The following CORO7 variants were observed in gnomAD, a reference collection of about 807,000 sequenced individuals.
The protein encoded by CORO7 is coronin-7.
A neutral mutation model predicts 126.6 loss-of-function variants in CORO7; 107 were observed. The observed-to-expected ratio is 0.85, with a 90% confidence interval of 0.72 to 0.99. The LOEUF (loss-of-function observed/expected upper bound fraction) is 0.99, where lower values mean the gene tolerates loss of function less well. CORO7 is among the 50% of genes least tolerant of loss of function. The pLI is 0.00. For missense variants in CORO7, 1,314 were observed against 1,255.8 expected (o/e 1.05, Z -0.70); for synonymous variants, 603 against 536.8 (o/e 1.12, Z -1.70).
chr16:4,415,955 C>A, intron 1 of CORO7: 2 of 915,960 alleles, frequency 2.2e-6, no homozygotes, highest in South Asian at 1.0e-4. Context: ...GAGGGAGGGG[C>A]GCGTGCGGCC....
rs756187808 is a variant in CORO7, at chr16:4,381,385, C to T, written c.785+6601G>A. The T allele has an allele frequency of 2.0e-5, 32 of 1,589,544 alleles. No homozygotes were observed. In the East Asian group the frequency reaches 4.6e-4, roughly 23 times the overall value. ...GGCACTGCCCCCGCTGCGCCTGCCCCGCCTGCTGCTGCTGGACCTCAGCCA... is the reference window on the plus strand; with the variant it reads ...GGCACTGCCCCCGCTGCGCCTGCCCTGCCTGCTGCTGCTGGACCTCAGCCA... On this transcript the variant is annotated intron_variant, in intron 9 of 27. Coordinates refer to ENST00000251166, the MANE Select transcript of CORO7 (RefSeq NM_024535.5).
In CORO7 at chr16:4,357,174, C is replaced by G; in HGVS notation, c.2679G>C (p.Lys893Asn). ...TGCTCTCTCCCATGCCTACCTCCTCCTTCTTTTGCTGGTCAGACTTTTCTT... is the reference window on the plus strand; with the variant it reads ...TGCTCTCTCCCATGCCTACCTCCTCGTTCTTTTGCTGGTCAGACTTTTCTT... ...YLEEKSDQQK[K>N]EELLNAMVAK... is the part of the protein sequence containing the mutation. Residue 893 changes from lysine (K) to asparagine (N), a missense_variant, in exon 26 of 28, where the codon AAG becomes AAC. Transcript: ENST00000251166. 1 of 1,613,934 alleles carries G rather than the reference C, an allele frequency of 6.2e-7. No homozygotes were observed. Among genetic ancestry groups the G allele is most frequent in the African/African-American group, 1.3e-5 (1 of 75,028 alleles).
intron 1 of CORO7, chr16:4,415,725 G>A: frequency 1.0e-6 from 1 of 985,552 alleles, no homozygotes; most frequent in African/African-American, 1.7e-5. Context: ...AAATAACACG[G>A]AAAGCGGAAG....
At chr16:4,364,559 C>A in intron 13 of CORO7, 38 bp downstream of exon 13, 1 of 1,537,074 alleles carries the variant, frequency 6.5e-7, no homozygotes. Flanking sequence ...ACCAGGGACT[C>A]GGGGAGGCTG....
At chr16:4,364,206 C>T (rs2054273883) in intron 14 of CORO7, 70 bp downstream of exon 14, 10 of 1,423,296 alleles carry the variant, frequency 7.0e-6, no homozygotes, top group Non-Finnish European at 8.3e-6. Context: ...AAAGGCCGTT[C>T]AGCCGGTGAA....
chr16:4,402,758 C>T (rs2055858189), intron 6 of CORO7, among the ~76,000 whole-genome samples: 1 of 152,238 alleles, frequency 6.6e-6, no homozygotes, highest in Non-Finnish European at 1.5e-5. Flanking sequence ...GCAGAGGCCG[C>T]GTCCTCCCCG....
intron 9 of CORO7, among the ~76,000 whole-genome samples, chr16:4,366,973 C>T (rs2054367684): frequency 6.6e-6 from 1 of 152,176 alleles, no homozygotes; most frequent in Admixed American, 6.5e-5. Flanking sequence ...TGCCTCTATC[C>T]CTCACTGCGG....
In CORO7 at chr16:4,405,673, C is replaced by T. The variant is rs74003297; in HGVS notation, c.488-106G>A. The T allele has an allele frequency of 4.4e-5, 62 of 1,408,880 alleles. No homozygotes were observed. The African/African-American group carries it at 7.1e-4, about 16-fold the overall frequency. The allele number at this position is 1,408,880 out of a possible 1,614,324, so 87.3% of individuals were successfully genotyped here. A position where few individuals can be genotyped will look rare whatever the true frequency, so the allele number is the denominator to read the frequency against. On this transcript the variant is annotated intron_variant, in intron 5 of 27. Transcript: ENST00000251166. ...ACTCCCAGAGCAAAGGCAGCAGCTA[C>T]GAGGGTCCTTTTCAGCCAAGGGGGC...
intron 4 of CORO7, 61 bp from the exon 5 acceptor site, chr16:4,407,745 G>C: frequency 6.7e-7 from 1 of 1,491,424 alleles, no homozygotes; most frequent in Non-Finnish European, 8.9e-7. Flanking sequence ...TGAGTCAGCT[G>C]CCGTGACCCC....
intron 9 of CORO7, chr16:4,381,919 G>C: frequency 1.2e-6 from 2 of 1,606,654 alleles, no homozygotes; most frequent in South Asian, 1.1e-5. Context: ...CGCCGACTTT[G>C]GCTGCCCAGC....
Position 4,395,246 on chromosome 16 carries a change from C to T in CORO7, c.615+43G>A, listed in dbSNP as rs1207213735. 4 of 1,613,698 alleles carry T rather than the reference C, an allele frequency of 2.5e-6. No homozygotes were observed. The Admixed American group carries it at 5.0e-5, about 20-fold the overall frequency. ...GCTAGAACCACTGGGTCCTCAGCCTCAGTGGAGGCTTCAACCCACCCCAGC... is the reference window on the plus strand; with the variant it reads ...GCTAGAACCACTGGGTCCTCAGCCTTAGTGGAGGCTTCAACCCACCCCAGC... On this transcript the variant is annotated intron_variant, in intron 7 of 27. Coordinates refer to ENST00000251166, the MANE Select transcript of CORO7 (RefSeq NM_024535.5).
Position 4,380,828 on chromosome 16 carries a change from T to G in CORO7, c.785+7158A>C, listed in dbSNP as rs761962031. The G allele has an allele frequency of 2.8e-6, 4 of 1,432,132 alleles. No individual in the cohort carries two copies. In the African/African-American group the frequency reaches 5.7e-5, roughly 21 times the overall value. The allele number at this position is 1,432,132 out of a possible 1,614,324, so 88.7% of individuals were successfully genotyped here. On this transcript the variant is annotated intron_variant, in intron 9 of 27. Coordinates refer to ENST00000251166, the MANE Select transcript of CORO7 (RefSeq NM_024535.5). ...CTGGCGTGTCTGCCTTCTAGGCCCC[T>G]GACTCACAGTCTTCTGTCTCTGCCT...
chr16:4,361,957 G>T, intron 16 of CORO7, 28 bp downstream of exon 16: 1 of 1,580,278 alleles, frequency 6.3e-7, no homozygotes. Flanking sequence ...GGAACTGAGG[G>T]GCAGCCCTGG....
rs1388018521 is a variant in CORO7 at position 4,354,646 on chromosome 16, C to T, written c.*512G>A. On this transcript the variant is annotated 3_prime_UTR_variant, in exon 28 of 28. Coordinates refer to ENST00000251166, the MANE Select transcript of CORO7 (RefSeq NM_024535.5). ...TATTGGACCATCAGCTCTGTGATGCCCCCTTCTCCTGGCTACAAACCTGGG... is the reference window on the plus strand; with the variant it reads ...TATTGGACCATCAGCTCTGTGATGCTCCCTTCTCCTGGCTACAAACCTGGG... 5 of 162,172 alleles carry T rather than the reference C, an allele frequency of 3.1e-5. No homozygotes were observed. Among genetic ancestry groups the T allele is most frequent in the African/African-American group, 9.6e-5 (4 of 41,850 alleles). The allele number at this position is 162,172 out of a possible 1,614,324, so 10.0% of individuals were successfully genotyped here.
intron 9 of CORO7, among the ~76,000 whole-genome samples, chr16:4,374,323 C>T (rs113115656): frequency 1.4e-3 from 216 of 152,240 alleles, no homozygotes; most frequent in Non-Finnish European, 2.1e-3. Context: ...CGGCCTCCCC[C>T]GCTTTTCCTC....
chr16:4,395,373 T>G (rs780523198), intron 6 of CORO7, 34 bp from the exon 7 acceptor site: 1 of 1,613,700 alleles, frequency 6.2e-7, no homozygotes, highest in Admixed American at 1.7e-5. Flanking sequence ...CAACTTGCGA[T>G]TAGGGCTGGA....
chr16:4,362,733 A>G lies in CORO7; in HGVS notation c.1281T>C (p.Gly427=). The change falls in exon 15 of 28, where the codon GGT becomes GGC. Residue 427 remains glycine, a synonymous_variant. Coordinates refer to ENST00000251166, the MANE Select transcript of CORO7 (RefSeq NM_024535.5). This position sits in a 1 kb window ranked among gnomAD's most constrained non-coding sequence, Gnocchi z 5.3. ...TPVGDADASE[G]FSSPPSSLTS... ...TCAGCGAACTGGGAGGGGAAGAGAA[A>G]CCCTCCTGGGGAGGGGCATGGGGTC... The G allele has an allele frequency of 2.8e-6, 4 of 1,412,078 alleles. No homozygotes were observed. The highest frequency in any genetic ancestry group is 1.9e-6 in the Non-Finnish European group (2 of 1,077,130). 87.5% of individuals were successfully genotyped at this position (1,412,078 alleles called of 1,614,324 possible).
In CORO7 at chr16:4,388,459, C is replaced by T. The variant is rs186927216; in HGVS notation, c.702+86G>A. The T allele has an allele frequency of 5.5e-6, 8 of 1,449,036 alleles. No individual in the cohort carries two copies. The African/African-American group carries it at 5.6e-5, about 10-fold the overall frequency. 89.8% of individuals were successfully genotyped at this position (1,449,036 alleles called of 1,614,324 possible). The stretch of plus-strand genomic sequence containing the variant: ...GGCCTGGAACTGGCCCTCAGTCCCC[C>T]GCCTCCCATTGGTTTCGTCCCCGCC... On this transcript the variant is annotated intron_variant, in intron 8 of 27. Transcript: ENST00000251166.
chr16:4,382,386 C>G, intron 9 of CORO7: 1 of 1,612,272 alleles, frequency 6.2e-7, no homozygotes, highest in Non-Finnish European at 8.5e-7. Flanking sequence ...ACCTATCGGG[C>G]CCTGATAAGC....
Sources: allele counts gnomAD v4.1 joint callset (sites outside exome capture counted in the v4.1 genomes callset), GRCh38; gene constraint gnomAD v4.1.1; non-coding constraint Gnocchi (gnomAD v3.1); transcripts MANE v1.5; gene names NCBI Gene and HGNC (gene_info 2026-07-23, HGNC 2026-07-21).